TF: variants seen among roughly 807,000 people sequenced by gnomAD.
TF encodes transferrin.
Under a neutral mutation model 82.4 loss-of-function variants are expected in TF, and 55 were observed. The ratio of observed to expected loss-of-function variants is 0.67; its 90% CI spans 0.54 to 0.84. The LOEUF (loss-of-function observed/expected upper bound fraction) is 0.84, where lower values mean the gene tolerates loss of function less well. TF is among the 40% of genes least tolerant of loss of function. The probability of loss-of-function intolerance (pLI) is 0.00; values close to 1 mark genes in which losing one functional copy is unlikely to be tolerated. For missense variants in TF, 737 were observed against 868.4 expected, an observed-to-expected ratio of 0.85 and a Z score of 1.90; for synonymous variants, 332 against 332.6, an observed-to-expected ratio of 1.00 and a Z score of 0.02.
the TF span, among the ~76,000 whole-genome samples, chr3:133,716,990 C>G: frequency 6.6e-6 from 1 of 152,278 alleles, no homozygotes; most frequent in Non-Finnish European, 1.5e-5. Flanking sequence ...TTTAGGATTT[C>G]TCAGGGCAGA....
the TF span, among the ~76,000 whole-genome samples, chr3:133,665,688 T>A: frequency 6.6e-6 from 1 of 151,830 alleles, no homozygotes; most frequent in Non-Finnish European, 1.5e-5. Flanking sequence ...CTCATGCCTG[T>A]AATCCCAGCA....
At chr3:133,775,645 T>G in intron 15 of TF, 28 bp downstream of exon 15, 6 of 1,612,332 alleles carry the variant, frequency 3.7e-6, no homozygotes, top group Non-Finnish European at 5.1e-6. Context: ...CCTCCCACCT[T>G]TTCTTCCTAG....
the TF span, among the ~76,000 whole-genome samples, chr3:133,683,380 A>C: frequency 3.9e-5 from 6 of 152,350 alleles, no homozygotes; most frequent in Admixed American, 2.0e-4. Context: ...AAATGGGCTA[A>C]ATGCTCCAAT....
At chr3:133,745,978 G>A (rs1933485351), upstream of TF, 2 of 229,312 alleles carry the variant, frequency 8.7e-6, no homozygotes, top group African/African-American at 4.6e-5. Flanking sequence ...TCATTCTGCA[G>A]TTCTAGTGTG....
chr3:133,772,762 T>C (rs1934291122), intron 14 of TF: 2 of 152,156 alleles, frequency 1.3e-5, no homozygotes, highest in African/African-American at 2.4e-5. Context: ...GACAACATGA[T>C]TTTTAAGAGC....
At chr3:133,724,343 C>G in the TF span, among the ~76,000 whole-genome samples, 1 of 152,202 alleles carries the variant, frequency 6.6e-6, no homozygotes, top group Admixed American at 6.5e-5. Context: ...TTAATGATCA[C>G]CATTCTAACT....
chr3:133,775,273 C>A, intron 14 of TF, 160 bp from the exon 15 acceptor site: 1 of 732,722 alleles, frequency 1.4e-6, no homozygotes, highest in Non-Finnish European at 2.4e-6. Flanking sequence ...TTGTAGACCA[C>A]ATGGGTGTCT....
chr3:133,796,341 T>G lies in TF; in HGVS notation c.*17721T>G, dbSNP rs1236525061. 1 of 152,236 alleles carries G rather than the reference T, an allele frequency of 6.6e-6. No individual in the cohort carries two copies. Among genetic ancestry groups the G allele is most frequent in the Non-Finnish European group, 1.5e-5 (1 of 68,098 alleles). The allele number at this position is 152,236 out of a possible 1,614,324, so 9.4% of individuals were successfully genotyped here. A position where few individuals can be genotyped will look rare whatever the true frequency, so the allele number is the denominator to read the frequency against. On this transcript the variant is annotated 3_prime_UTR_variant, in exon 17 of 17. Coordinates refer to ENST00000402696, the MANE Select transcript of TF (RefSeq NM_001063.4). ...TCGGCCCCTCCACCTCCCATAAAGA[T>G]TTATGGGGATCCCATCTCTGGAGGG... is the stretch of plus-strand genomic sequence containing the variant.
chr3:133,667,177 T>TA, the TF span, among the ~76,000 whole-genome samples: 5 of 151,648 alleles, frequency 3.3e-5, no homozygotes, highest in Non-Finnish European at 7.4e-5. Context: ...ATCTTGTCTC[T>TA]AAAAAAAAGT....
chr3:133,703,220 G>C, the TF span, among the ~76,000 whole-genome samples: 1 of 152,122 alleles, frequency 6.6e-6, no homozygotes, highest in South Asian at 2.1e-4. Flanking sequence ...TTTTTCTGGA[G>C]TTACTGTGTG....
upstream of TF, among the ~76,000 whole-genome samples, chr3:133,745,059 T>G (rs1164660781): frequency 2.6e-5 from 4 of 152,216 alleles, no homozygotes; most frequent in African/African-American, 9.6e-5. Context: ...GTTAAACGGA[T>G]GTACAGATTA....
chr3:133,734,430 G>A, the TF span, among the ~76,000 whole-genome samples: 1 of 152,274 alleles, frequency 6.6e-6, no homozygotes, highest in South Asian at 2.1e-4. Context: ...CTTGTCACAG[G>A]TCTGCAGGAG....
At chr3:133,778,327 C>T (rs548909640) in intron 16 of TF, 4 of 389,372 alleles carry the variant, frequency 1.0e-5, no homozygotes, top group East Asian at 6.0e-5. Context: ...GTGTGAGCCT[C>T]GCCCATAAGA....
Position 133,787,108 on chromosome 3 carries a change from C to T in TF, c.*8488C>T. On this transcript the variant is annotated 3_prime_UTR_variant, in exon 17 of 17. Coordinates refer to ENST00000402696, the MANE Select transcript of TF (RefSeq NM_001063.4). ...TTGCCATTTTTCTGTCTGTTTTGTG[C>T]ATTTTGTTTTGCTGTGTATGTAGAG... The T allele has an allele frequency of 6.6e-6, 1 of 152,124 alleles. No homozygotes were observed. Among genetic ancestry groups the T allele is most frequent in the Non-Finnish European group, 1.5e-5 (1 of 68,026 alleles). The allele number at this position is 152,124 out of a possible 1,614,324, so 9.4% of individuals were successfully genotyped here.
the TF span, among the ~76,000 whole-genome samples, chr3:133,672,754 A>AGGAAGGGGAGGGGAG: frequency 8.9e-6 from 1 of 112,810 alleles, no homozygotes; most frequent in Non-Finnish European, 1.8e-5. Context: ...GGGGAGGGAA[A>AGGAAGGGGAGGGGAG]GGAAGGGGAG....
At chr3:133,751,212 A>T (rs1297995484) in intron 2 of TF, among the ~76,000 whole-genome samples, 1 of 151,624 alleles carries the variant, frequency 6.6e-6, no homozygotes, top group Non-Finnish European at 1.5e-5. Context: ...CAAAAGGACA[A>T]ATATTGTAAG....
chr3:133,774,206 GAATAA>G (rs954838185), intron 14 of TF: 5 of 152,038 alleles, frequency 3.3e-5, no homozygotes, highest in African/African-American at 1.2e-4. Context: ...ATAGATAAAT[GAATAA>G]AATAACATAA....
At chr3:133,760,926 G>C (rs1933977380) in intron 9 of TF, 1 of 152,928 alleles carries the variant, frequency 6.5e-6, no homozygotes, top group Non-Finnish European at 1.5e-5. Context: ...CTCATTGCTA[G>C]TAAAGAATTA....
At chr3:133,760,398 A>T (rs1228288110) in intron 9 of TF, 6 of 152,468 alleles carry the variant, frequency 3.9e-5, no homozygotes, top group Non-Finnish European at 5.9e-5. Flanking sequence ...ATATCACTTT[A>T]TGCTATTTTA....
Sources: gnomAD v4.1 joint callset for allele counts (sites outside exome capture counted in the v4.1 genomes callset) on GRCh38, gnomAD v4.1.1 for gene constraint, MANE v1.5 for transcripts, NCBI Gene and HGNC (gene_info 2026-07-23, HGNC 2026-07-21) for gene names.